ASTN2: variants seen among roughly 807,000 people sequenced by gnomAD.
ASTN2 encodes astrotactin 2.
ASTN2 carries 54 observed loss-of-function variants against 139.8 expected under a neutral mutation model. The ratio of observed to expected loss-of-function variants is 0.39; its 90% CI spans 0.31 to 0.48. The LOEUF is 0.48. Ranked by LOEUF, ASTN2 falls within the 20% of genes least tolerant of loss-of-function variation. ASTN2 has a pLI of 0.95. For synonymous variants in ASTN2, 756 were observed against 719.5 expected (o/e 1.05, Z -0.81); for missense variants, 1,565 against 1,725.1 (o/e 0.91, Z 1.64).
At chr9:116,836,709 A>G (rs1411185334) in intron 11 of ASTN2, among the ~76,000 whole-genome samples, 1 of 152,050 alleles carries the variant, frequency 6.6e-6, no homozygotes, top group Non-Finnish European at 1.5e-5. Flanking sequence ...ACTGACCACC[A>G]TGTCTTTCCT....
intron 10 of ASTN2, among the ~76,000 whole-genome samples, chr9:116,922,687 G>T (rs1834646019): frequency 6.6e-6 from 1 of 151,888 alleles, no homozygotes; most frequent in Non-Finnish European, 1.5e-5. Flanking sequence ...GAATTGATAT[G>T]GAGACATCTT....
chr9:117,352,218 C>T (rs189770678), intron 1 of ASTN2, among the ~76,000 whole-genome samples: 14 of 152,254 alleles, frequency 9.2e-5, no homozygotes, highest in African/African-American at 9.6e-5. Flanking sequence ...GCCCAAGAAA[C>T]GCTATTCAAG....
intron 12 of ASTN2, among the ~76,000 whole-genome samples, chr9:116,819,807 C>T (rs1247732035): frequency 6.6e-6 from 1 of 152,202 alleles, no homozygotes; most frequent in Non-Finnish European, 1.5e-5. Context: ...TAAGTGATTA[C>T]TAAGGACCAA....
At chr9:116,658,733 C>CTTTT (rs71502074) in intron 16 of ASTN2, among the ~76,000 whole-genome samples, 1,377 of 100,710 alleles carry the variant, frequency 0.014, 100 homozygotes, top group East Asian at 0.11. Flanking sequence ...GACCACCGCT[C>CTTTT]TTTTTTTTTT....
chr9:116,563,698 A>C (rs1337479789), intron 19 of ASTN2, among the ~76,000 whole-genome samples: 1 of 152,194 alleles, frequency 6.6e-6, no homozygotes, highest in East Asian at 1.9e-4. Flanking sequence ...TTCTGTATCA[A>C]TTATCAACAT....
At chr9:116,570,004 T>C (rs1218489859) in intron 19 of ASTN2, among the ~76,000 whole-genome samples, 8 of 152,210 alleles carry the variant, frequency 5.3e-5, no homozygotes, top group Non-Finnish European at 1.2e-4. Flanking sequence ...TGAAAAGTCA[T>C]TGGAGATGCT....
In ASTN2 at chr9:117,414,584, G is replaced by A; in HGVS notation, c.355C>T (p.Leu119Phe). The A allele has an allele frequency of 6.3e-7, 1 of 1,583,910 alleles. No individual in the cohort carries two copies. Among genetic ancestry groups the A allele is most frequent in the Non-Finnish European group, 8.6e-7 (1 of 1,167,654 alleles). The change falls in exon 1 of 23, where the codon CTC becomes TTC. Residue 119 changes from leucine (L) to phenylalanine (F), a missense_variant. This residue lies in a region of ASTN2 where 596 missense variants were observed against 576.8 expected (regional missense o/e 1.03). Coordinates refer to ENST00000313400, the MANE Select transcript of ASTN2 (RefSeq NM_001365068.1). The surrounding 1 kb of genome is among the most constrained non-coding windows in gnomAD (Gnocchi z 4.2). ...AGCTCGTTACGCACAAAGAGCAGGA[G>A]GCGCGACTCGGCGGCGGTGCCGGCA... is the stretch of plus-strand genomic sequence containing the variant. ...GSAGTAAESR[L>F]LLFVRNELPG...
At chr9:116,580,943 G>C (rs1240507148) in intron 19 of ASTN2, among the ~76,000 whole-genome samples, 2 of 151,754 alleles carry the variant, frequency 1.3e-5, no homozygotes, top group Non-Finnish European at 2.9e-5. Context: ...AGTTGAGGGT[G>C]TTAGAAGGAG....
intron 1 of ASTN2, among the ~76,000 whole-genome samples, chr9:117,388,348 A>G (rs1830454109): frequency 6.6e-6 from 1 of 152,178 alleles, no homozygotes; most frequent in African/African-American, 2.4e-5. Context: ...TGAGACATAT[A>G]TATCAGGCCA....
At chr9:117,385,013 T>C (rs1333604878) in intron 1 of ASTN2, among the ~76,000 whole-genome samples, 2 of 152,188 alleles carry the variant, frequency 1.3e-5, no homozygotes, top group Non-Finnish European at 2.9e-5. Context: ...CATAGTTCAG[T>C]TCCAGTGTAC....
intron 3 of ASTN2, among the ~76,000 whole-genome samples, chr9:117,203,227 C>A (rs1831789189): frequency 6.6e-6 from 1 of 151,942 alleles, no homozygotes; most frequent in Non-Finnish European, 1.5e-5. Context: ...CTCTAGTTAG[C>A]AATTCCTCTA....
rs923338672 is a variant in ASTN2, at chr9:117,296,997, C to T, written c.443-5484G>A. Among the ~76,000 whole-genome samples, 4 of 152,350 alleles carry T rather than the reference C, an allele frequency of 2.6e-5. No individual in the cohort carries two copies. In the South Asian group the frequency reaches 8.3e-4, roughly 32 times the overall value. On this transcript the variant is annotated intron_variant, in intron 1 of 22. Transcript: ENST00000313400. ...GCCTCCCGGAAAAGAAATAAAAAAT[C>T]CCAAAGGCATGTTGTGCTTTTAATC...
At chr9:116,886,182 C>T (rs1222327775) in intron 10 of ASTN2, among the ~76,000 whole-genome samples, 1 of 152,208 alleles carries the variant, frequency 6.6e-6, no homozygotes, top group Admixed American at 6.5e-5. Flanking sequence ...TATCTGTCCA[C>T]AGGTCTGGTT....
At position 116,425,461 on chromosome 9, in the gene ASTN2, G is replaced by C; in HGVS notation, c.*390C>G. The C allele has an allele frequency of 8.9e-7, 1 of 1,122,978 alleles. No individual in the cohort carries two copies. The highest frequency in any genetic ancestry group is 1.4e-5 in the South Asian group (1 of 73,316). The allele number at this position is 1,122,978 out of a possible 1,614,324, so 69.6% of individuals were successfully genotyped here. ...GTCAGGTCAAAACTGTCCCTCCATA[G>C]GTCTCCTCCAGGGGTCCATGGCAGG... On this transcript the variant is annotated 3_prime_UTR_variant, in exon 23 of 23. Coordinates refer to ENST00000313400, the MANE Select transcript of ASTN2 (RefSeq NM_001365068.1).
chr9:116,671,779 G>A (rs1180659737), intron 16 of ASTN2, among the ~76,000 whole-genome samples: 3 of 152,154 alleles, frequency 2.0e-5, no homozygotes, highest in Admixed American at 6.5e-5. Context: ...AGGAACTGAG[G>A]ACTTTGGTCC....
At chr9:116,465,519 G>T (rs981175968) in intron 20 of ASTN2, among the ~76,000 whole-genome samples, 1 of 152,160 alleles carries the variant, frequency 6.6e-6, no homozygotes, top group Non-Finnish European at 1.5e-5. Context: ...GACATAAAAG[G>T]GGGGAAGAGT....
At chr9:116,569,533 G>A (rs1268753905) in intron 19 of ASTN2, among the ~76,000 whole-genome samples, 1 of 152,138 alleles carries the variant, frequency 6.6e-6, no homozygotes, top group Non-Finnish European at 1.5e-5. Flanking sequence ...GAAAATTCAC[G>A]ACAGACACTC....
chr9:117,080,842 C>T (rs907837027), intron 5 of ASTN2, among the ~76,000 whole-genome samples: 2 of 152,064 alleles, frequency 1.3e-5, no homozygotes, highest in Admixed American at 1.3e-4. Flanking sequence ...CCTGACACCC[C>T]AGAGAACCAC....
chr9:117,040,347 A>C (rs1838522251), intron 5 of ASTN2, among the ~76,000 whole-genome samples: 2 of 152,322 alleles, frequency 1.3e-5, no homozygotes, highest in South Asian at 4.2e-4. Context: ...AATTCAGTAG[A>C]GTCTAGTGAA....
Sources: allele counts gnomAD v4.1 joint callset (sites outside exome capture counted in the v4.1 genomes callset), GRCh38; gene constraint gnomAD v4.1.1; regional missense constraint gnomAD v4.1.1; non-coding constraint Gnocchi (gnomAD v3.1); transcripts MANE v1.5; gene names NCBI Gene and HGNC (gene_info 2026-07-23, HGNC 2026-07-21).